DCC: variants seen among roughly 807,000 people sequenced by gnomAD.
DCC encodes the protein DCC netrin 1 receptor, also known as netrin receptor DCC.
Under a neutral mutation model 172.5 loss-of-function variants are expected in DCC, and 58 were observed. The ratio of observed to expected loss-of-function variants is 0.34; its 90% CI spans 0.27 to 0.42. The LOEUF (loss-of-function observed/expected upper bound fraction) is 0.42. Ranked by LOEUF, DCC falls within the 10% of genes least tolerant of loss-of-function variation. The pLI is 1.00. For synonymous variants in DCC, 709 were observed against 644.5 expected (o/e 1.10, Z -1.52); for missense variants, 1,740 against 1,791.0 (o/e 0.97, Z 0.51).
chr18:52,977,850 A>G (rs2041145982), intron 5 of DCC, among the ~76,000 whole-genome samples: 2 of 150,816 alleles, frequency 1.3e-5, no homozygotes, highest in South Asian at 2.1e-4. Context: ...ACACCACTGC[A>G]CTCCAGCCTG....
intron 1 of DCC, among the ~76,000 whole-genome samples, chr18:52,491,700 A>G (rs1232899536): frequency 2.0e-5 from 3 of 151,998 alleles, no homozygotes; most frequent in African/African-American, 7.2e-5. Context: ...TGTAGATACA[A>G]TTGATTGGAC....
intron 1 of DCC, among the ~76,000 whole-genome samples, chr18:52,480,617 G>C (rs934816103): frequency 2.0e-5 from 3 of 152,146 alleles, no homozygotes; most frequent in Admixed American, 6.5e-5. Context: ...AGAGTAATTA[G>C]AACAGTACGT....
chr18:52,477,547 G>A (rs1298744502), intron 1 of DCC, among the ~76,000 whole-genome samples: 4 of 152,104 alleles, frequency 2.6e-5, no homozygotes, highest in Non-Finnish European at 2.9e-5. Flanking sequence ...TGGTAACAGG[G>A]ACTTCCACAA....
At chr18:52,458,999 C>T (rs1419744253) in intron 1 of DCC, among the ~76,000 whole-genome samples, 1 of 152,092 alleles carries the variant, frequency 6.6e-6, no homozygotes, top group Non-Finnish European at 1.5e-5. Context: ...ATGTGATTTG[C>T]ACACCAATGA....
chr18:53,469,634 T>C (rs1345969664), intron 25 of DCC, among the ~76,000 whole-genome samples: 1 of 152,130 alleles, frequency 6.6e-6, no homozygotes, highest in African/African-American at 2.4e-5. Context: ...CTGTAATTAC[T>C]CCTTCCCTTT....
intron 27 of DCC, among the ~76,000 whole-genome samples, chr18:53,515,325 A>T (rs976552075): frequency 6.7e-6 from 1 of 150,036 alleles, no homozygotes; most frequent in African/African-American, 2.4e-5. Flanking sequence ...ATCTATGAGA[A>T]ACCCACAGCC....
At chr18:53,060,947 A>G (rs2042486590) in intron 5 of DCC, among the ~76,000 whole-genome samples, 1 of 152,162 alleles carries the variant, frequency 6.6e-6, no homozygotes, top group South Asian at 2.1e-4. Flanking sequence ...AAATTGAAAA[A>G]AAGCAAGAGG....
intron 9 of DCC, among the ~76,000 whole-genome samples, chr18:53,195,715 T>G (rs1466537583): frequency 1.3e-5 from 2 of 151,842 alleles, no homozygotes; most frequent in Non-Finnish European, 1.5e-5. Flanking sequence ...GGATTCATCC[T>G]TCATTCATCC....
At chr18:52,893,384 T>A (rs2039680764) in intron 2 of DCC, among the ~76,000 whole-genome samples, 1 of 152,134 alleles carries the variant, frequency 6.6e-6, no homozygotes, top group Non-Finnish European at 1.5e-5. Context: ...ATTCAATGAC[T>A]GCCACTGGGA....
At chr18:52,910,887 A>G in intron 3 of DCC, among the ~76,000 whole-genome samples, 1 of 152,252 alleles carries the variant, frequency 6.6e-6, no homozygotes. Context: ...TAAAATATAC[A>G]TGATTTTTGT....
intron 2 of DCC, among the ~76,000 whole-genome samples, chr18:52,900,854 T>C (rs1943093): frequency 0.4 from 60,119 of 151,952 alleles, 12,472 homozygotes; most frequent in Non-Finnish European, 0.47. Context: ...GGAATCAAGG[T>C]TTTCCTAGGC....
At chr18:53,419,865 A>T (rs568427174) in intron 21 of DCC, among the ~76,000 whole-genome samples, 54 of 151,042 alleles carry the variant, frequency 3.6e-4, no homozygotes, top group South Asian at 6.3e-4. Context: ...ATTTTTTTTA[A>T]TTTTTTGACA....
At chr18:52,380,761 A>G (rs1985552332) in intron 1 of DCC, among the ~76,000 whole-genome samples, 2 of 152,166 alleles carry the variant, frequency 1.3e-5, no homozygotes, top group South Asian at 4.1e-4. Context: ...GTATGAATCA[A>G]TTACGTACAT....
intron 12 of DCC, among the ~76,000 whole-genome samples, chr18:53,279,741 A>ATAC: frequency 6.6e-6 from 1 of 152,096 alleles, no homozygotes; most frequent in Non-Finnish European, 1.5e-5. Flanking sequence ...ACACCATGGA[A>ATAC]TACTACACAA....
At chr18:53,307,249 A>C (rs1250275322) in intron 13 of DCC, among the ~76,000 whole-genome samples, 1 of 152,216 alleles carries the variant, frequency 6.6e-6, no homozygotes, top group African/African-American at 2.4e-5. Context: ...CGGAAAGTTT[A>C]ACATTTACCA....
At chr18:53,148,932 C>T (rs558441792) in intron 7 of DCC, among the ~76,000 whole-genome samples, 3 of 143,286 alleles carry the variant, frequency 2.1e-5, no homozygotes, top group African/African-American at 5.3e-5. Flanking sequence ...GGCATGATCT[C>T]GGCTCACTGC....
At chr18:52,864,709 G>A (rs2039193425) in intron 2 of DCC, among the ~76,000 whole-genome samples, 1 of 151,012 alleles carries the variant, frequency 6.6e-6, no homozygotes, top group South Asian at 2.1e-4. Context: ...ACAGGCCCCA[G>A]TGTGTGTTGT....
At chr18:53,436,295 C>T (rs1279242007) in intron 22 of DCC, among the ~76,000 whole-genome samples, 5 of 152,166 alleles carry the variant, frequency 3.3e-5, no homozygotes, top group African/African-American at 1.2e-4. Context: ...AGCTCTCACT[C>T]ATTTATCTTG....
At chr18:53,427,824 AAT>A (rs1486970803) in intron 21 of DCC, among the ~76,000 whole-genome samples, 1 of 98,942 alleles carries the variant, frequency 1.0e-5, no homozygotes, top group Non-Finnish European at 2.3e-5. Context: ...ATAATATATT[AAT>A]ATATGATATA....
Sources: allele counts gnomAD v4.1 joint callset (sites outside exome capture counted in the v4.1 genomes callset), GRCh38; gene constraint gnomAD v4.1.1; transcripts MANE v1.5; gene names NCBI Gene and HGNC (gene_info 2026-07-23, HGNC 2026-07-21).